LEF1: variants seen among roughly 807,000 people sequenced by gnomAD.
LEF1 encodes the protein lymphoid enhancer binding factor 1, also known as lymphoid enhancer-binding factor 1.
LEF1 carries 14 observed loss-of-function variants against 51.2 expected under a neutral mutation model. The observed-to-expected ratio is 0.27, with a 90% CI of 0.18 to 0.43. The LOEUF is 0.43. LEF1 is among the 20% of genes least tolerant of loss of function. The pLI is 1.00. For missense variants in LEF1, 386 were observed against 512.0 expected, an observed-to-expected ratio of 0.75 and a Z score of 2.37; for synonymous variants, 185 against 183.2, an observed-to-expected ratio of 1.01 and a Z score of -0.08.
chr4:108,089,377 T>G, intron 3 of LEF1, 120 bp from the exon 4 acceptor site: 7 of 1,014,626 alleles, frequency 6.9e-6, no homozygotes, highest in Non-Finnish European at 1.0e-5. Flanking sequence ...AGAATCACCT[T>G]CAGACCTGGA....
chr4:108,057,266 A>G (rs1229116905), intron 11 of LEF1, among the ~76,000 whole-genome samples: 1 of 152,134 alleles, frequency 6.6e-6, no homozygotes, highest in Admixed American at 6.5e-5. Flanking sequence ...ACAAGACTTA[A>G]GAGTTCTTCA....
intron 3 of LEF1, among the ~76,000 whole-genome samples, chr4:108,149,295 T>A (rs1744191526): frequency 6.7e-6 from 1 of 149,466 alleles, no homozygotes; most frequent in Non-Finnish European, 1.5e-5. Flanking sequence ...CCGCCTCTAC[T>A]AAAAATACAA....
intron 3 of LEF1, among the ~76,000 whole-genome samples, chr4:108,144,424 G>C (rs1017944875): frequency 1.3e-5 from 2 of 152,184 alleles, no homozygotes; most frequent in Admixed American, 1.3e-4. Flanking sequence ...TTATCAAGCA[G>C]ATCCCCCTGG....
chr4:108,136,667 G>A (rs924717192), intron 3 of LEF1, among the ~76,000 whole-genome samples: 23 of 151,952 alleles, frequency 1.5e-4, no homozygotes, highest in African/African-American at 4.3e-4. Context: ...TAATTCTTAC[G>A]GTGACTGAAT....
At chr4:108,113,984 A>G (rs1741685904) in intron 3 of LEF1, among the ~76,000 whole-genome samples, 1 of 152,250 alleles carries the variant, frequency 6.6e-6, no homozygotes, top group Admixed American at 6.5e-5. Flanking sequence ...CATAAGTTTA[A>G]AGCAATCTGG....
At chr4:108,092,029 C>G (rs536851410) in intron 3 of LEF1, among the ~76,000 whole-genome samples, 1 of 152,300 alleles carries the variant, frequency 6.6e-6, no homozygotes, top group Non-Finnish European at 1.5e-5. Context: ...AGAGCACCAC[C>G]TTAAGGAACT....
intron 4 of LEF1, among the ~76,000 whole-genome samples, chr4:108,088,599 G>A (rs548010930): frequency 2.2e-4 from 33 of 152,310 alleles, no homozygotes; most frequent in Admixed American, 1.1e-3. Flanking sequence ...ATGCAGAGGC[G>A]TAAAATAAGA....
At chr4:108,073,074 T>C (rs879448427) in intron 8 of LEF1, among the ~76,000 whole-genome samples, 3 of 152,176 alleles carry the variant, frequency 2.0e-5, no homozygotes, top group Non-Finnish European at 4.4e-5. Flanking sequence ...TGGCTAATCC[T>C]TGATTTTGTA....
At chr4:108,143,524 C>CA (rs1399962516) in intron 3 of LEF1, among the ~76,000 whole-genome samples, 5 of 151,958 alleles carry the variant, frequency 3.3e-5, no homozygotes, top group Non-Finnish European at 7.4e-5. Flanking sequence ...GATTATCAGG[C>CA]AAAAAAACAT....
intron 3 of LEF1, among the ~76,000 whole-genome samples, chr4:108,159,792 A>C (rs745467056): frequency 2.6e-5 from 4 of 152,260 alleles, no homozygotes; most frequent in Non-Finnish European, 5.9e-5. Flanking sequence ...ACTAAGTTAT[A>C]CAAGGTAATT....
intron 3 of LEF1, 84 bp downstream of exon 3, chr4:108,163,484 G>A (rs1745190014): frequency 7.0e-7 from 1 of 1,431,240 alleles, no homozygotes; most frequent in Non-Finnish European, 9.6e-7. Flanking sequence ...CATTACCAAT[G>A]AGTTTGGAAA....
intron 3 of LEF1, among the ~76,000 whole-genome samples, chr4:108,135,705 C>T (rs912463865): frequency 1.3e-5 from 2 of 152,152 alleles, no homozygotes; most frequent in African/African-American, 4.8e-5. Flanking sequence ...AGTGACACTT[C>T]AATGGCCTGC....
At chr4:108,078,077 CAA>C in intron 8 of LEF1, 141 bp downstream of exon 8, 2 of 813,084 alleles carry the variant, frequency 2.5e-6, no homozygotes, top group South Asian at 3.3e-5. Flanking sequence ...AAACAGTTAT[CAA>C]AATTCTTTAA....
chr4:108,095,509 T>A (rs539449374), intron 3 of LEF1, among the ~76,000 whole-genome samples: 11 of 152,238 alleles, frequency 7.2e-5, no homozygotes, highest in African/African-American at 2.6e-4. Context: ...CCTCTCTCCA[T>A]CTCTATTCCA....
At chr4:108,098,963 G>A (rs1001889941) in intron 3 of LEF1, among the ~76,000 whole-genome samples, 1 of 152,172 alleles carries the variant, frequency 6.6e-6, no homozygotes, top group Non-Finnish European at 1.5e-5. Flanking sequence ...GCGTTGTAGA[G>A]TTGTGCTGTC....
At chr4:108,120,338 T>C (rs1742097830) in intron 3 of LEF1, among the ~76,000 whole-genome samples, 1 of 152,202 alleles carries the variant, frequency 6.6e-6, no homozygotes, top group South Asian at 2.1e-4. Flanking sequence ...GCCACCATTT[T>C]ATGTTTTTGA....
intron 3 of LEF1, chr4:108,104,709 T>C (rs7690934): frequency 0.58 from 565,371 of 980,336 alleles, 164,047 homozygotes; most frequent in Middle Eastern, 0.67. Flanking sequence ...CTCCCCGCCC[T>C]CAATTCCTGG....
At chr4:108,113,303 G>C (rs1483185304) in intron 3 of LEF1, among the ~76,000 whole-genome samples, 1 of 152,200 alleles carries the variant, frequency 6.6e-6, no homozygotes, top group Non-Finnish European at 1.5e-5. Context: ...GTTGCTGCCA[G>C]GGGCATGTGT....
intron 3 of LEF1, among the ~76,000 whole-genome samples, chr4:108,132,107 G>T (rs1260199221): frequency 2.0e-5 from 3 of 152,092 alleles, no homozygotes; most frequent in Non-Finnish European, 4.4e-5. Flanking sequence ...TAAGGATAAA[G>T]GCAGGTATTT....
Sources: gnomAD v4.1 joint callset for allele counts (sites outside exome capture counted in the v4.1 genomes callset) on GRCh38, gnomAD v4.1.1 for gene constraint, MANE v1.5 for transcripts, NCBI Gene and HGNC (gene_info 2026-07-23, HGNC 2026-07-21) for gene names.